The following BCAR3 variants were observed in gnomAD, a reference collection of about 807,000 sequenced individuals.
The protein encoded by BCAR3 is breast cancer anti-estrogen resistance protein 3.
Under a neutral mutation model 80.1 loss-of-function variants are expected in BCAR3, and 37 were observed. The ratio of observed to expected loss-of-function variants is 0.46; its 90% CI spans 0.36 to 0.61. The LOEUF is 0.61. Ranked by LOEUF, BCAR3 falls within the 20% of genes least tolerant of loss-of-function variation. The pLI is 0.00. For synonymous variants in BCAR3, 389 were observed against 418.9 expected (o/e 0.93, Z 0.87); for missense variants, 978 against 1,068.2 (o/e 0.92, Z 1.18).
chr1:93,762,980 C>T (rs918731799), intron 2 of BCAR3, among the ~76,000 whole-genome samples: 1 of 152,200 alleles, frequency 6.6e-6, no homozygotes, highest in African/African-American at 2.4e-5. Flanking sequence ...CCCTTTCAAT[C>T]TATTCTCTAC....
intron 2 of BCAR3, among the ~76,000 whole-genome samples, chr1:93,708,515 C>G (rs1314075011): frequency 1.3e-5 from 2 of 152,166 alleles, no homozygotes; most frequent in African/African-American, 4.8e-5. Context: ...ATATTTTTGT[C>G]CATAAGTTCT....
chr1:93,566,506 G>T (rs1236603335), intron 11 of BCAR3, among the ~76,000 whole-genome samples: 1 of 152,138 alleles, frequency 6.6e-6, no homozygotes, highest in Non-Finnish European at 1.5e-5. Flanking sequence ...TGACTGAGGA[G>T]GCTGCTTTCT....
In BCAR3 at chr1:93,591,168, T is replaced by TAAAAAA. The variant is rs35143036; in HGVS notation, c.486+1091_486+1096dup. 2.0e-4 allele frequency among the ~76,000 whole-genome samples: 13 copies of TAAAAAA among 66,328 alleles called. 2 individuals carry two copies. Among genetic ancestry groups the TAAAAAA allele is most frequent in the African/African-American group, 2.5e-4 (3 of 11,854 alleles). 43.5% of individuals were successfully genotyped at this position (66,328 alleles called of 152,430 possible). A position where few individuals can be genotyped will look rare whatever the true frequency, so the allele number is the denominator to read the frequency against. On this transcript the variant is annotated intron_variant, in intron 4 of 11. Coordinates refer to ENST00000260502, the MANE Select transcript of BCAR3 (RefSeq NM_003567.4). ...GATTGTGCCAAGAAATCTACTACAT[T>TAAAAAA]AAAAAAAAAAAAAAAAAAAAAAAAG...
chr1:93,684,918 CAG>C (rs771080057), upstream of BCAR3, among the ~76,000 whole-genome samples: 35 of 152,170 alleles, frequency 2.3e-4, no homozygotes, highest in African/African-American at 7.2e-4. Context: ...TGAGTAGAAA[CAG>C]GGGTTCTCCA....
chr1:93,603,694 C>T (rs1453183690), intron 3 of BCAR3, among the ~76,000 whole-genome samples: 2 of 152,158 alleles, frequency 1.3e-5, no homozygotes, highest in African/African-American at 4.8e-5. Context: ...ACTGGAACAC[C>T]GTGCCTTAAA....
chr1:93,568,615 CT>C (rs1673069826), intron 9 of BCAR3, among the ~76,000 whole-genome samples: 1 of 152,286 alleles, frequency 6.6e-6, no homozygotes, highest in Admixed American at 6.5e-5. Flanking sequence ...TGAAATAAAA[CT>C]GGAATTGACC....
intron 2 of BCAR3, among the ~76,000 whole-genome samples, chr1:93,769,105 G>A (rs1571112699): frequency 6.6e-6 from 1 of 152,134 alleles, no homozygotes; most frequent in South Asian, 2.1e-4. Flanking sequence ...CAACCCTGGG[G>A]GAGGAGACAG....
chr1:93,722,974 C>T (rs941776512), intron 2 of BCAR3, among the ~76,000 whole-genome samples: 4 of 152,024 alleles, frequency 2.6e-5, no homozygotes, highest in African/African-American at 4.8e-5. Flanking sequence ...TAAAGGTCAC[C>T]GCCTGAAGAA....
At chr1:93,563,108 T>C (rs1335504339) in intron 11 of BCAR3, among the ~76,000 whole-genome samples, 2 of 152,188 alleles carry the variant, frequency 1.3e-5, no homozygotes, top group Non-Finnish European at 2.9e-5. Flanking sequence ...TTCACCTGTT[T>C]TTGGCTGTGG....
chr1:93,718,018 G>C (rs1005640641), intron 2 of BCAR3, among the ~76,000 whole-genome samples: 1 of 152,178 alleles, frequency 6.6e-6, no homozygotes, highest in Non-Finnish European at 1.5e-5. Context: ...ACTTCACTTG[G>C]TTGTTACTTG....
At chr1:93,607,707 A>G (rs962603244) in intron 3 of BCAR3, among the ~76,000 whole-genome samples, 1 of 151,828 alleles carries the variant, frequency 6.6e-6, no homozygotes, top group African/African-American at 2.4e-5. Context: ...CCGTATAGGA[A>G]GCTCTTTCCC....
At chr1:93,562,870 A>C (rs1362388336) in intron 11 of BCAR3, among the ~76,000 whole-genome samples, 1 of 152,140 alleles carries the variant, frequency 6.6e-6, no homozygotes, top group Admixed American at 6.5e-5. Flanking sequence ...TCCCCAAAGA[A>C]AAATATAGGA....
chr1:93,764,402 C>A (rs1652067925), intron 2 of BCAR3, among the ~76,000 whole-genome samples: 1 of 152,106 alleles, frequency 6.6e-6, no homozygotes, highest in Non-Finnish European at 1.5e-5. Context: ...CACCGCCATT[C>A]ATCGCATCAG....
chr1:93,836,584 C>T (rs1654775471), intron 2 of BCAR3, among the ~76,000 whole-genome samples: 1 of 152,092 alleles, frequency 6.6e-6, no homozygotes, highest in African/African-American at 2.4e-5. Flanking sequence ...AGAAACATCA[C>T]CCATTATCTC....
chr1:93,733,577 C>G (rs762034532), intron 2 of BCAR3, among the ~76,000 whole-genome samples: 14 of 152,190 alleles, frequency 9.2e-5, no homozygotes, highest in Admixed American at 7.2e-4. Flanking sequence ...AGGAACTTTG[C>G]GTACCCCAGA....
intron 5 of BCAR3, 141 bp from the exon 6 acceptor site, chr1:93,584,262 A>G (rs1035897427): frequency 1.2e-5 from 8 of 695,164 alleles, no homozygotes; most frequent in African/African-American, 5.4e-5. Flanking sequence ...CCCTAAAAGT[A>G]AAGGAATGAC....
intron 3 of BCAR3, among the ~76,000 whole-genome samples, chr1:93,690,085 G>A (rs1167502585): frequency 2.0e-5 from 3 of 152,212 alleles, no homozygotes; most frequent in African/African-American, 7.2e-5. Context: ...TAAGAATGAG[G>A]TAATTCCATA....
intron 2 of BCAR3, among the ~76,000 whole-genome samples, chr1:93,713,675 T>C (rs906953596): frequency 2.0e-5 from 3 of 152,178 alleles, no homozygotes; most frequent in South Asian, 4.1e-4. Flanking sequence ...GAATTGCAGA[T>C]TGAAAAACCC....
chr1:93,682,831 G>A (rs1480820420), upstream of BCAR3, among the ~76,000 whole-genome samples: 2 of 152,182 alleles, frequency 1.3e-5, no homozygotes, highest in Non-Finnish European at 2.9e-5. Flanking sequence ...GGGATTACAG[G>A]TGTGAGCCAC....
Sources: gnomAD v4.1 joint callset for allele counts (sites outside exome capture counted in the v4.1 genomes callset) on GRCh38, gnomAD v4.1.1 for gene constraint, MANE v1.5 for transcripts, NCBI Gene and HGNC (gene_info 2026-07-23, HGNC 2026-07-21) for gene names.